Variants in ARMH3 observed in about 807,000 individuals in gnomAD.
ARMH3 encodes armadillo like helical domain containing 3.
ARMH3 carries 60 observed loss-of-function variants against 99.1 expected under a neutral mutation model. The observed-to-expected ratio is 0.61, with a 90% CI of 0.49 to 0.75. ARMH3 has a LOEUF of 0.75. ARMH3 is among the 30% of genes least tolerant of loss of function. The pLI, the probability that ARMH3 is intolerant of heterozygous loss-of-function variation, is 0.00. For missense variants in ARMH3, 679 were observed against 843.1 expected (o/e 0.81, Z 2.41); for synonymous variants, 285 against 292.8 (o/e 0.97, Z 0.27).
intron 24 of ARMH3, among the ~76,000 whole-genome samples, chr10:101,854,456 T>C (rs1385308051): frequency 6.6e-6 from 1 of 152,192 alleles, no homozygotes; most frequent in Non-Finnish European, 1.5e-5. Flanking sequence ...AAAGATTCTA[T>C]GTGCGTAAGT....
At chr10:101,980,694 C>T (rs1846191128) in intron 19 of ARMH3, among the ~76,000 whole-genome samples, 1 of 152,070 alleles carries the variant, frequency 6.6e-6, no homozygotes, top group South Asian at 2.1e-4. Flanking sequence ...TGTGGGGTAT[C>T]AATCTGACAG....
At chr10:101,962,509 T>C (rs557696708) in intron 20 of ARMH3, among the ~76,000 whole-genome samples, 1 of 152,224 alleles carries the variant, frequency 6.6e-6, no homozygotes, top group South Asian at 2.1e-4. Context: ...AGAAATACCA[T>C]GGTCATAAAT....
Position 101,942,265 on chromosome 10 carries a change from G to A in ARMH3, c.1706-2327C>T, listed in dbSNP as rs947077865. 6.6e-5 allele frequency among the ~76,000 whole-genome samples: 10 copies of A among 152,204 alleles called. No homozygotes were observed. The South Asian group carries it at 1.4e-3, about 22-fold the overall frequency. Reference sequence around the variant, plus strand: ...ATGAAAATTACAAAAAAAATGAATTGTATGTTAAAAAACACAAGCTAGAAG... The same window carrying A: ...ATGAAAATTACAAAAAAAATGAATTATATGTTAAAAAACACAAGCTAGAAG... On this transcript the variant is annotated intron_variant, in intron 22 of 25. Coordinates refer to ENST00000370033, the MANE Select transcript of ARMH3 (RefSeq NM_024541.3).
intron 20 of ARMH3, among the ~76,000 whole-genome samples, chr10:101,962,823 T>C (rs1485866256): frequency 6.6e-6 from 1 of 152,168 alleles, no homozygotes; most frequent in Non-Finnish European, 1.5e-5. Context: ...TGAAAAATAT[T>C]TGTTGGGGAT....
intron 18 of ARMH3, 97 bp downstream of exon 18, chr10:101,991,872 G>T: frequency 8.7e-7 from 1 of 1,148,644 alleles, no homozygotes; most frequent in South Asian, 1.3e-5. Flanking sequence ...TAATTTATTT[G>T]CGGAAGAAGC....
chr10:101,912,047 C>A (rs998283245), intron 23 of ARMH3, among the ~76,000 whole-genome samples: 9 of 150,030 alleles, frequency 6.0e-5, no homozygotes, highest in Non-Finnish European at 1.2e-4. Context: ...ACAACAACAA[C>A]AAAAAAGACA....
In ARMH3 at chr10:102,018,918, T is replaced by C. The variant is rs566930207; in HGVS notation, c.669+4559A>G. 2.0e-5 allele frequency among the ~76,000 whole-genome samples: 3 copies of C among 152,100 alleles called. No individual in the cohort carries two copies. The East Asian group carries it at 5.8e-4, about 29-fold the overall frequency. ...GTTGCAGTGAGCCAAGATCATGCCA[T>C]TGCACTCCATCCTGGGCAACGGAGT... On this transcript the variant is annotated intron_variant, in intron 8 of 25. Transcript: ENST00000370033.
At chr10:102,040,160 A>G in intron 1 of ARMH3, 35 bp from the exon 2 acceptor site, 1 of 1,516,120 alleles carries the variant, frequency 6.6e-7, no homozygotes, top group Non-Finnish European at 9.2e-7. Context: ...GAATAGTGAA[A>G]ATACTCAGTA....
chr10:102,014,028 T>C lies in ARMH3; in HGVS notation c.670-4A>G. ...TCACAATATAAGGATTCACAGACTG[T>C]TAAATAAGAGAAGAGACTCCAGGTA... On this transcript the variant is annotated splice_region_variant and splice_polypyrimidine_tract_variant and intron_variant, in intron 8 of 25. Transcript: ENST00000370033. 1 of 1,608,386 alleles carries C rather than the reference T, an allele frequency of 6.2e-7. No homozygotes were observed. The highest frequency in any genetic ancestry group is 8.5e-7 in the Non-Finnish European group (1 of 1,176,988).
chr10:102,025,076 C>T (rs2066971816), intron 6 of ARMH3, 80 bp downstream of exon 6: 2 of 1,195,076 alleles, frequency 1.7e-6, no homozygotes, highest in Admixed American at 1.8e-5. Context: ...TCTCTTTTTC[C>T]TTCTATCTTT....
At chr10:101,863,687 G>A (rs895340780) in intron 24 of ARMH3, among the ~76,000 whole-genome samples, 26 of 152,036 alleles carry the variant, frequency 1.7e-4, no homozygotes, top group Non-Finnish European at 3.2e-4. Flanking sequence ...CACTTTGGAA[G>A]GCCGAGGTGA....
At position 101,876,986 on chromosome 10, in the gene ARMH3, T is replaced by A. The variant is rs555952040; in HGVS notation, c.1860+12426A>T. The stretch of plus-strand genomic sequence containing the variant: ...ATTTGGATAGGCTGAGGTGGGAGGA[T>A]CACCTGAGCCCAGGAGTACAAGACC... On this transcript the variant is annotated intron_variant, in intron 24 of 25. Coordinates refer to ENST00000370033, the MANE Select transcript of ARMH3 (RefSeq NM_024541.3). 2.0e-5 allele frequency among the ~76,000 whole-genome samples: 3 copies of A among 151,976 alleles called. No homozygotes were observed. In the East Asian group the frequency reaches 5.8e-4, roughly 29 times the overall value.
intron 1 of ARMH3, among the ~76,000 whole-genome samples, chr10:102,044,300 C>G (rs1446738116): frequency 2.6e-5 from 4 of 151,652 alleles, no homozygotes; most frequent in African/African-American, 9.7e-5. Context: ...TGGTCTCGAT[C>G]TCCTGACCTC....
intron 1 of ARMH3, among the ~76,000 whole-genome samples, chr10:102,051,626 T>C (rs1190989624): frequency 6.6e-6 from 1 of 152,206 alleles, no homozygotes; most frequent in Non-Finnish European, 1.5e-5. Flanking sequence ...ATAGCTTGTG[T>C]GCTCTAGACA....
In ARMH3 at chr10:101,949,743, T is replaced by C. The variant is rs545237129; in HGVS notation, c.1705+6854A>G. 2.9e-4 allele frequency among the ~76,000 whole-genome samples: 44 copies of C among 152,164 alleles called. No individual in the cohort carries two copies. In the South Asian group the frequency reaches 7.9e-3, roughly 27 times the overall value. ...ATTATGAGGCCAAAATTAACTAATA[T>C]TGAAACCAGAAAAAGAAATTGTAAG... On this transcript the variant is annotated intron_variant, in intron 22 of 25. Transcript: ENST00000370033.
At chr10:101,861,729 CA>C (rs35593972) in intron 24 of ARMH3, among the ~76,000 whole-genome samples, 56 of 44,142 alleles carry the variant, frequency 1.3e-3, no homozygotes, top group East Asian at 8.1e-3. Context: ...GACTCCGTCT[CA>C]AAAAAAAAAA....
Position 102,033,161 on chromosome 10 carries a change from C to T in ARMH3, c.171G>A (p.Glu57=). The T allele has an allele frequency of 6.2e-7, 1 of 1,614,166 alleles. No homozygotes were observed. The highest frequency in any genetic ancestry group is 8.5e-7 in the Non-Finnish European group (1 of 1,180,032). ...GAGATTCCAGCTTGCCTTCTAGGTA[C>T]TCTAAATTCACCTGCCAAGGAAACA... ...EELFLMKVNL[E]YLEGKLESLD... The change falls in exon 4 of 26, where the codon GAG becomes GAA. Residue 57 remains glutamate (E), a synonymous_variant. Coordinates refer to ENST00000370033, the MANE Select transcript of ARMH3 (RefSeq NM_024541.3).
chr10:102,052,002 T>C (rs922717756), intron 1 of ARMH3, among the ~76,000 whole-genome samples: 31 of 152,290 alleles, frequency 2.0e-4, no homozygotes, highest in Non-Finnish European at 4.1e-4. Flanking sequence ...CCACATTTTC[T>C]GACACATCCC....
At chr10:101,898,567 TC>T (rs2067897908) in intron 23 of ARMH3, among the ~76,000 whole-genome samples, 1 of 152,154 alleles carries the variant, frequency 6.6e-6, no homozygotes, top group Non-Finnish European at 1.5e-5. Context: ...GCAGGCTATC[TC>T]TAAAAGCTGC....
Sources: gnomAD v4.1 joint callset for allele counts (sites outside exome capture counted in the v4.1 genomes callset) on GRCh38, gnomAD v4.1.1 for gene constraint, MANE v1.5 for transcripts, NCBI Gene and HGNC (gene_info 2026-07-23, HGNC 2026-07-21) for gene names.